Variants in TENM2 observed in about 807,000 individuals in gnomAD.
TENM2 encodes the protein teneurin transmembrane protein 2.
A neutral mutation model predicts 245.2 loss-of-function variants in TENM2; 52 were observed. That is an observed-to-expected ratio of 0.21 (90% confidence interval 0.17 to 0.27). The LOEUF (loss-of-function observed/expected upper bound fraction) is 0.27. TENM2 is among the 10% of genes least tolerant of loss of function. TENM2 has a pLI of 1.00. For synonymous variants in TENM2, 1,363 were observed against 1,438.9 expected, an observed-to-expected ratio of 0.95 and a Z score of 1.19; for missense variants, 3,046 against 3,666.8, an observed-to-expected ratio of 0.83 and a Z score of 4.37.
At chr5:167,833,955 CA>C (rs1182373907) in intron 2 of TENM2, among the ~76,000 whole-genome samples, 10 of 152,192 alleles carry the variant, frequency 6.6e-5, no homozygotes, top group African/African-American at 2.4e-4. Context: ...ATAGATGCCT[CA>C]TTTTACAAAC....
intron 4 of TENM2, among the ~76,000 whole-genome samples, chr5:167,987,253 G>T (rs1583577131): frequency 6.6e-6 from 1 of 151,784 alleles, no homozygotes; most frequent in African/African-American, 2.4e-5. Flanking sequence ...GATGCATTTG[G>T]AAGGGCATAA....
chr5:167,112,994 G>A, the TENM2 span, among the ~76,000 whole-genome samples: 1 of 152,174 alleles, frequency 6.6e-6, no homozygotes, highest in South Asian at 2.1e-4. Flanking sequence ...CAGTGTCTAT[G>A]CTTTTAAATC....
At chr5:167,565,425 G>A (rs1220193933) in intron 2 of TENM2, among the ~76,000 whole-genome samples, 1 of 152,176 alleles carries the variant, frequency 6.6e-6, no homozygotes, top group African/African-American at 2.4e-5. Context: ...CAGCAACAGA[G>A]GTGAGCTGCA....
chr5:167,792,732 GAA>G (rs76873091), intron 2 of TENM2, among the ~76,000 whole-genome samples: 1 of 123,724 alleles, frequency 8.1e-6, no homozygotes, highest in Non-Finnish European at 1.7e-5. Flanking sequence ...TTGAAAAATG[GAA>G]AAAAAAAAAA....
chr5:167,488,432 T>A (rs1054683035), intron 2 of TENM2, among the ~76,000 whole-genome samples: 3 of 152,150 alleles, frequency 2.0e-5, no homozygotes, highest in African/African-American at 7.2e-5. Flanking sequence ...CTATTCTTAG[T>A]CTCATCTTAC....
chr5:167,715,664 A>G (rs1759206791), intron 2 of TENM2, among the ~76,000 whole-genome samples: 1 of 152,228 alleles, frequency 6.6e-6, no homozygotes, highest in Admixed American at 6.5e-5. Context: ...CTTTCCATAT[A>G]GTGTCATTTA....
intron 5 of TENM2, among the ~76,000 whole-genome samples, chr5:168,023,541 C>T (rs1218038634): frequency 2.0e-5 from 3 of 152,090 alleles, no homozygotes; most frequent in East Asian, 1.9e-4. Flanking sequence ...CAGTCATGGC[C>T]GGGGTCCAGG....
At chr5:167,342,299 G>A (rs911005730) in intron 1 of TENM2, among the ~76,000 whole-genome samples, 2 of 151,916 alleles carry the variant, frequency 1.3e-5, no homozygotes, top group African/African-American at 4.8e-5. Context: ...GAACTTTATA[G>A]AATGTCCCAC....
At chr5:168,246,569 C>G (rs1026859518) in intron 26 of TENM2, among the ~76,000 whole-genome samples, 188 bp from the exon 29 acceptor site, 11 of 152,172 alleles carry the variant, frequency 7.2e-5, no homozygotes, top group African/African-American at 2.7e-4. Context: ...AAGCACTGGT[C>G]TAGGCAACCA....
chr5:167,177,505 T>C, the TENM2 span, among the ~76,000 whole-genome samples: 1 of 152,214 alleles, frequency 6.6e-6, no homozygotes, highest in Non-Finnish European at 1.5e-5. Context: ...CCCTGGTAGG[T>C]TCACTGTTGG....
Position 167,954,754 on chromosome 5 carries a change from A to T in TENM2, c.947+1932A>T, listed in dbSNP as rs533099149. 2.8e-3 allele frequency among the ~76,000 whole-genome samples: 420 copies of T among 152,238 alleles called. 2 individuals are homozygous for T. The highest frequency in any genetic ancestry group is 8.7e-3 in the African/African-American group (360 of 41,526). ...TTCCTGTGTTAGTTTGCTGAGGATGATGGTTTCCCGCTTCATTCATGTCCC... is the reference window on the plus strand; with the variant it reads ...TTCCTGTGTTAGTTTGCTGAGGATGTTGGTTTCCCGCTTCATTCATGTCCC... On this transcript the variant is annotated intron_variant, in intron 4 of 28. Transcript: ENST00000518659.
At chr5:168,245,684 T>C (rs571500768) in intron 26 of TENM2, among the ~76,000 whole-genome samples, 2 of 151,462 alleles carry the variant, frequency 1.3e-5, no homozygotes, top group Non-Finnish European at 2.9e-5. Flanking sequence ...TCACCTAGAC[T>C]CCCCTTGGTG....
intron 1 of TENM2, among the ~76,000 whole-genome samples, chr5:167,334,487 A>G (rs893070254): frequency 6.6e-6 from 1 of 152,206 alleles, no homozygotes. Flanking sequence ...TGAAAATTAG[A>G]GCTAAGTGAC....
At chr5:167,827,211 A>G (rs544836535) in intron 2 of TENM2, among the ~76,000 whole-genome samples, 4 of 152,312 alleles carry the variant, frequency 2.6e-5, no homozygotes, top group Admixed American at 1.3e-4. Flanking sequence ...TTTCCAACCA[A>G]TGTTACTAGA....
chr5:167,038,904 G>C, the TENM2 span, among the ~76,000 whole-genome samples: 1 of 152,060 alleles, frequency 6.6e-6, no homozygotes, highest in Non-Finnish European at 1.5e-5. Flanking sequence ...GCCCAAATTT[G>C]GCTGCAAAGA....
At chr5:167,381,555 C>A (rs1461207808) in intron 2 of TENM2, among the ~76,000 whole-genome samples, 1 of 152,104 alleles carries the variant, frequency 6.6e-6, no homozygotes. Context: ...TGGCCGTTCT[C>A]AAAACATAAG....
At chr5:168,004,517 G>GCGCGCGCACACACA (rs898616203) in intron 5 of TENM2, among the ~76,000 whole-genome samples, 4 of 132,152 alleles carry the variant, frequency 3.0e-5, no homozygotes, top group African/African-American at 1.2e-4. Flanking sequence ...GCGCGCGCGC[G>GCGCGCGCACACACA]CACACACACA....
intron 2 of TENM2, among the ~76,000 whole-genome samples, chr5:167,489,378 A>G (rs1035036654): frequency 6.6e-6 from 1 of 151,908 alleles, no homozygotes; most frequent in South Asian, 2.1e-4. Flanking sequence ...ATCATCTCCA[A>G]TCCTATGTTA....
intron 7 of TENM2, among the ~76,000 whole-genome samples, chr5:168,086,214 G>A (rs1237497142): frequency 2.0e-5 from 3 of 152,230 alleles, no homozygotes; most frequent in South Asian, 2.1e-4. Flanking sequence ...AACAGCCCCC[G>A]CTCCACGGTC....
Sources: allele counts gnomAD v4.1 joint callset (sites outside exome capture counted in the v4.1 genomes callset), GRCh38; gene constraint gnomAD v4.1.1; transcripts MANE v1.5; gene names NCBI Gene and HGNC (gene_info 2026-07-23, HGNC 2026-07-21).